MED13L: variants seen among roughly 807,000 people sequenced by gnomAD.
The protein encoded by MED13L is mediator complex subunit 13L, also known as mediator of RNA polymerase II transcription subunit 13-like.
Under a neutral mutation model 220.9 loss-of-function variants are expected in MED13L, and 7 were observed. The ratio of observed to expected loss-of-function variants is 0.03; its 90% CI spans 0.02 to 0.06. The LOEUF is 0.06. MED13L is among the 10% of genes least tolerant of loss of function. MED13L has a pLI of 1.00. For synonymous variants in MED13L, 1,011 were observed against 1,015.2 expected, an observed-to-expected ratio of 1.00 and a Z score of 0.08; for missense variants, 1,965 against 2,760.5, an observed-to-expected ratio of 0.71 and a Z score of 6.46.
chr12:116,022,961 A>G (rs1318489848), intron 4 of MED13L, among the ~76,000 whole-genome samples: 1 of 152,206 alleles, frequency 6.6e-6, no homozygotes, highest in Non-Finnish European at 1.5e-5. Flanking sequence ...AAACGTGTTA[A>G]GTCAAATAAA....
chr12:116,026,409 T>C (rs891398818), intron 4 of MED13L, among the ~76,000 whole-genome samples: 6 of 151,814 alleles, frequency 4.0e-5, no homozygotes, highest in African/African-American at 1.2e-4. Flanking sequence ...ACAAGAAAAA[T>C]AGAAGTTATA....
intron 1 of MED13L, among the ~76,000 whole-genome samples, chr12:116,248,047 G>A (rs747966096): frequency 3.0e-4 from 46 of 152,274 alleles, no homozygotes; most frequent in Non-Finnish European, 4.9e-4. Context: ...ATAAAGAGAT[G>A]AAAGACTAGG....
chr12:116,237,253 A>G (rs1565942886), intron 2 of MED13L, among the ~76,000 whole-genome samples: 1 of 152,138 alleles, frequency 6.6e-6, no homozygotes, highest in Non-Finnish European at 1.5e-5. Flanking sequence ...GCGGTTCACA[A>G]GGTTCTGATT....
At chr12:116,072,547 G>T (rs887993764) in intron 4 of MED13L, among the ~76,000 whole-genome samples, 1 of 152,162 alleles carries the variant, frequency 6.6e-6, no homozygotes, top group Non-Finnish European at 1.5e-5. Context: ...CGCCTCCCGG[G>T]TTCAAGCAAT....
chr12:116,102,932 G>A (rs1873217005), intron 3 of MED13L, among the ~76,000 whole-genome samples: 1 of 151,600 alleles, frequency 6.6e-6, no homozygotes, highest in Non-Finnish European at 1.5e-5. Flanking sequence ...TGGTCAGGCT[G>A]GTCTTGAACT....
intron 1 of MED13L, among the ~76,000 whole-genome samples, chr12:116,240,763 G>A (rs190112883): frequency 2.8e-4 from 42 of 150,918 alleles, no homozygotes; most frequent in East Asian, 2.4e-3. Flanking sequence ...TCCTGACCTC[G>A]TGACCCGCCC....
intron 1 of MED13L, among the ~76,000 whole-genome samples, chr12:116,248,847 C>T (rs192581503): frequency 9.5e-4 from 145 of 152,300 alleles, no homozygotes; most frequent in African/African-American, 3.3e-3. Flanking sequence ...CCAAATTGTT[C>T]TCCAACTATA....
intron 2 of MED13L, among the ~76,000 whole-genome samples, chr12:116,212,885 A>T (rs1882781056): frequency 6.6e-6 from 1 of 152,198 alleles, no homozygotes; most frequent in Admixed American, 6.5e-5. Flanking sequence ...GAAACTAAAA[A>T]GAAAGTGGAG....
intron 3 of MED13L, 121 bp from the exon 4 acceptor site, chr12:116,096,873 A>C (rs1593039679): frequency 2.7e-6 from 2 of 749,510 alleles, no homozygotes; most frequent in Non-Finnish European, 4.6e-6. Context: ...TAAACTATCA[A>C]AATGTTTTAT....
At chr12:116,117,369 T>C (rs2137930967) in intron 2 of MED13L, among the ~76,000 whole-genome samples, 1 of 152,292 alleles carries the variant, frequency 6.6e-6, no homozygotes, top group South Asian at 2.1e-4. Context: ...GGCAGTTACA[T>C]ACCTGCATAC....
intron 2 of MED13L, among the ~76,000 whole-genome samples, chr12:116,116,135 G>A (rs986214777): frequency 1.3e-5 from 2 of 152,154 alleles, no homozygotes; most frequent in Non-Finnish European, 2.9e-5. Context: ...AGTGGCTAAA[G>A]AAATGACAGG....
chr12:116,093,789 A>G (rs1872443323), intron 4 of MED13L, among the ~76,000 whole-genome samples: 1 of 152,174 alleles, frequency 6.6e-6, no homozygotes, highest in African/African-American at 2.4e-5. Flanking sequence ...TAATTTGTTT[A>G]GCACTGGGCA....
At chr12:116,053,320 C>T (rs908329867) in intron 4 of MED13L, among the ~76,000 whole-genome samples, 2 of 151,938 alleles carry the variant, frequency 1.3e-5, no homozygotes, top group African/African-American at 2.4e-5. Context: ...TAAGTATAAT[C>T]GAAGGTATAC....
intron 1 of MED13L, among the ~76,000 whole-genome samples, chr12:116,271,733 C>T (rs1873371048): frequency 6.6e-6 from 1 of 151,924 alleles, no homozygotes; most frequent in African/African-American, 2.4e-5. Context: ...AAATAAATGA[C>T]ACTAATAACA....
Position 116,119,838 on chromosome 12 carries a change from A to AT in MED13L, c.311-8327_311-8326insA, listed in dbSNP as rs1204568125. On this transcript the variant is annotated intron_variant, in intron 2 of 30. Transcript: ENST00000281928. Reference sequence around the variant, plus strand: ...AAAAAAAAAAAAAAAAAAAAAAAAAAATATATATATATATATATATATATG... The same window carrying AT: ...AAAAAAAAAAAAAAAAAAAAAAAAAATATATATATATATATATATATATATG... 2.4e-3 allele frequency among the ~76,000 whole-genome samples: 76 copies of AT among 31,486 alleles called. 1 individual carries two copies. The highest frequency in any genetic ancestry group is 2.9e-3 in the East Asian group (3 of 1,042). 20.7% of individuals were successfully genotyped at this position (31,486 alleles called of 152,430 possible).
intron 4 of MED13L, among the ~76,000 whole-genome samples, chr12:116,067,492 G>A (rs1194469105): frequency 6.6e-6 from 1 of 152,160 alleles, no homozygotes; most frequent in African/African-American, 2.4e-5. Flanking sequence ...AATGGTAGAT[G>A]TTAGATCTCA....
rs907244970 is a variant in MED13L at position 116,239,781 on chromosome 12, C to G, written c.73-2076G>C. 2.9e-4 allele frequency among the ~76,000 whole-genome samples: 44 copies of G among 152,194 alleles called. 1 individual carries two copies. The highest frequency in any genetic ancestry group is 7.3e-5 in the Non-Finnish European group (5 of 68,040). On this transcript the variant is annotated intron_variant, in intron 1 of 30. Coordinates refer to ENST00000281928, the MANE Select transcript of MED13L (RefSeq NM_015335.5). ...TAGTCTCCCCAATACAAATAGCCAC[C>G]TCCCAAATTGCATATCTTTTAAAAT...
At chr12:116,276,401 G>C (rs1432641822) in intron 1 of MED13L, 1 of 1,279,698 alleles carries the variant, frequency 7.8e-7, no homozygotes, top group Non-Finnish European at 1.0e-6. Context: ...AGACACAGGA[G>C]GAGAGAAAGA....
intron 2 of MED13L, among the ~76,000 whole-genome samples, chr12:116,218,022 C>T (rs566972604): frequency 4.6e-5 from 7 of 152,240 alleles, no homozygotes; most frequent in African/African-American, 9.6e-5. Context: ...AACACAAGCT[C>T]GTTGAATTGA....
Sources: allele counts gnomAD v4.1 joint callset (sites outside exome capture counted in the v4.1 genomes callset), GRCh38; gene constraint gnomAD v4.1.1; transcripts MANE v1.5; gene names NCBI Gene and HGNC (gene_info 2026-07-23, HGNC 2026-07-21).